Variants in TTC38 observed in about 807,000 individuals in gnomAD.
TTC38 encodes tetratricopeptide repeat protein 38.
TTC38 carries 64 observed loss-of-function variants against 64.2 expected under a neutral mutation model. That is an observed-to-expected ratio of 1.00 (90% CI 0.81 to 1.23). TTC38 has a LOEUF of 1.23. TTC38 is among the 50% of genes most tolerant of loss of function. The pLI is 0.00. For synonymous variants in TTC38, 254 were observed against 249.3 expected (o/e 1.02, Z -0.18); for missense variants, 573 against 615.5 (o/e 0.93, Z 0.73).
rs58531030 is a variant in TTC38, at chr22:46,269,088, G to GCC, written c.111+506_111+507dup. On this transcript the variant is annotated intron_variant, in intron 2 of 13. Coordinates refer to ENST00000381031, the MANE Select transcript of TTC38 (RefSeq NM_017931.4). ...CGTGGGAGGGTGGGGACATATCTCT[G>GCC]CCCCCCCCCCACAGCGTCCTAAAAG... The GCC allele has an allele frequency of 6.8e-3, 2,542 of 375,810 alleles. 32 individuals carry two copies. Among genetic ancestry groups the GCC allele is most frequent in the African/African-American group, 0.042 (1,871 of 44,610 alleles). 23.3% of individuals were successfully genotyped at this position (375,810 alleles called of 1,614,324 possible).
At position 46,274,149 on chromosome 22, in the gene TTC38, C is replaced by G. The variant is rs1164973836; in HGVS notation, c.365+80C>G. On this transcript the variant is annotated intron_variant, in intron 4 of 13. Coordinates refer to ENST00000381031, the MANE Select transcript of TTC38 (RefSeq NM_017931.4). The surrounding 1 kb of genome is among the most constrained non-coding windows in gnomAD (Gnocchi z 4.8). ...GGCAGGGTATCCCTTTCCTGATGCC[C>G]TTGGGACGGGGGCGGGGTGGGAGAA... The G allele has an allele frequency of 6.9e-5, 58 of 835,554 alleles. No individual in the cohort carries two copies. Among genetic ancestry groups the G allele is most frequent in the South Asian group, 9.5e-5 (6 of 63,110 alleles). 51.8% of individuals were successfully genotyped at this position (835,554 alleles called of 1,614,324 possible).
Position 46,284,064 on chromosome 22 carries a change from C to T in TTC38, c.795+32C>T, listed in dbSNP as rs868282079. ...TGACCATCTGTTTGCACTGTCTTAT[C>T]CTATAAAGATGTCTAGAGGGAGAAA... On this transcript the variant is annotated intron_variant, in intron 8 of 13. Coordinates refer to ENST00000381031, the MANE Select transcript of TTC38 (RefSeq NM_017931.4). 2.6e-6 allele frequency: 4 copies of T among 1,557,038 alleles called. No homozygotes were observed. In the South Asian group the frequency reaches 3.4e-5, roughly 13 times the overall value.
chr22:46,289,653 G>A (rs903385957), intron 12 of TTC38, 92 bp downstream of exon 12: 126 of 1,499,878 alleles, frequency 8.4e-5, no homozygotes, highest in Middle Eastern at 2.0e-4. Flanking sequence ...TGGTGTTGGT[G>A]CCAACAATGT....
At chr22:46,286,274 G>A (rs1177593087) in intron 9 of TTC38, among the ~76,000 whole-genome samples, 1 of 152,102 alleles carries the variant, frequency 6.6e-6, no homozygotes, top group Non-Finnish European at 1.5e-5. Flanking sequence ...CCACAGAAAT[G>A]CTTGTGATCT....
In TTC38 at chr22:46,272,349, C is replaced by T; in HGVS notation, c.126C>T (p.Thr42=). 1.2e-6 allele frequency: 2 copies of T among 1,613,690 alleles called. No homozygotes were observed. Among genetic ancestry groups the T allele is most frequent in the Non-Finnish European group, 1.7e-6 (2 of 1,179,844 alleles). Residue 42 remains threonine (T), a synonymous_variant, in exon 3 of 14, where the codon ACC becomes ACT. Transcript: ENST00000381031. The surrounding 1 kb of genome is among the most constrained non-coding windows in gnomAD (Gnocchi z 6.4). ...DATLTQYVKW[T]NDKSLGGIEG... ...TCCCATTTCAGTATGTAAAATGGAC[C>T]AATGACAAGAGTCTCGGTGGCATCG...
At position 46,292,106 on chromosome 22, in the gene TTC38, A is replaced by C; in HGVS notation, c.1317-685A>C. 1 of 364,052 alleles carries C rather than the reference A, an allele frequency of 2.7e-6. No individual in the cohort carries two copies. The highest frequency in any genetic ancestry group is 4.9e-4 in the Middle Eastern group (1 of 2,022). The allele number at this position is 364,052 out of a possible 1,614,324, so 22.6% of individuals were successfully genotyped here. ...CTCTCTTCCTGGCTTGTGGACAGCC[A>C]CTTTCTTGCTGTGTCCTCACATGAC... is the stretch of plus-strand genomic sequence containing the variant. On this transcript the variant is annotated intron_variant, in intron 13 of 13. Transcript: ENST00000381031. This position sits in a 1 kb window ranked among gnomAD's most constrained non-coding sequence, Gnocchi z 6.5.
intron 2 of TTC38, 73 bp downstream of exon 2, chr22:46,268,664 G>GT (rs869169922): frequency 2.7e-5 from 38 of 1,416,936 alleles, no homozygotes; most frequent in Middle Eastern, 3.5e-4. Context: ...GGGGAAAGCT[G>GT]TTTTTTTGTT....
Position 46,292,722 on chromosome 22 carries a change from C to G in TTC38, c.1317-69C>G. On this transcript the variant is annotated intron_variant, in intron 13 of 13. Transcript: ENST00000381031. The surrounding 1 kb of genome is among the most constrained non-coding windows in gnomAD (Gnocchi z 6.5). Reference sequence around the variant, plus strand: ...GCCTGCCTGTGTTCTGCCTTGGGACCAAGGGACCACCAGGCCCCACATCCC... The same window carrying G: ...GCCTGCCTGTGTTCTGCCTTGGGACGAAGGGACCACCAGGCCCCACATCCC... 7.1e-7 allele frequency: 1 copy of G among 1,406,114 alleles called. No homozygotes were observed. Among genetic ancestry groups the G allele is most frequent in the Non-Finnish European group, 1.0e-6 (1 of 994,784 alleles). The allele number at this position is 1,406,114 out of a possible 1,614,324, so 87.1% of individuals were successfully genotyped here. A position where few individuals can be genotyped will look rare whatever the true frequency, so the allele number is the denominator to read the frequency against.
chr22:46,278,768 C>T lies in TTC38; in HGVS notation c.615+107C>T, dbSNP rs973161419. ...TGTGTGACCCCGGCGAACCCCATCC[C>T]TGGTCTCACTTCCTCAGAGAGACTG... On this transcript the variant is annotated intron_variant, in intron 6 of 13. Transcript: ENST00000381031. 18 of 890,068 alleles carry T rather than the reference C, an allele frequency of 2.0e-5. No individual in the cohort carries two copies. The African/African-American group carries it at 2.6e-4, about 13-fold the overall frequency. The allele number at this position is 890,068 out of a possible 1,614,324, so 55.1% of individuals were successfully genotyped here. A position where few individuals can be genotyped will look rare whatever the true frequency, so the allele number is the denominator to read the frequency against.
intron 6 of TTC38, among the ~76,000 whole-genome samples, chr22:46,279,643 C>G (rs2077519198): frequency 3.3e-5 from 5 of 152,242 alleles, no homozygotes; most frequent in Admixed American, 2.6e-4. Context: ...GCCCAAGGGT[C>G]GCTGCGCTCT....
intron 6 of TTC38, among the ~76,000 whole-genome samples, chr22:46,279,432 G>C (rs1424065220): frequency 6.6e-6 from 1 of 152,230 alleles, no homozygotes; most frequent in East Asian, 1.9e-4. Flanking sequence ...AGGGGCCCAA[G>C]GCTCAGAGGC....
At chr22:46,287,013 G>C in intron 9 of TTC38, 60 bp from the exon 10 acceptor site, 1 of 1,394,336 alleles carries the variant, frequency 7.2e-7, no homozygotes. Context: ...CCCTGGCTGT[G>C]CCTGCAGCCC....
intron 7 of TTC38, 91 bp from the exon 8 acceptor site, chr22:46,283,878 AGATG>A: frequency 1.9e-6 from 1 of 536,604 alleles, no homozygotes; most frequent in Non-Finnish European, 3.1e-6. Flanking sequence ...AAAAAAAAAA[AGATG>A]ATGGTTTCTG....
At chr22:46,279,405 T>A (rs1012233311) in intron 6 of TTC38, among the ~76,000 whole-genome samples, 1 of 152,216 alleles carries the variant, frequency 6.6e-6, no homozygotes, top group African/African-American at 2.4e-5. Context: ...GATGTCCAAC[T>A]CCTTGTTGCC....
At chr22:46,269,094 C>CG (rs1209238451) in intron 2 of TTC38, 1 of 420,946 alleles carries the variant, frequency 2.4e-6, no homozygotes, top group Non-Finnish European at 4.8e-6. Context: ...CTCTGCCCCC[C>CG]CCCCACAGCG....
chr22:46,283,127 G>T (rs1229547414), intron 7 of TTC38, among the ~76,000 whole-genome samples: 1 of 151,962 alleles, frequency 6.6e-6, no homozygotes, highest in Non-Finnish European at 1.5e-5. Context: ...AGAGAGACAG[G>T]GTCTCTTCCC....
rs1226829580 is a variant in TTC38 at position 46,287,150 on chromosome 22, G to A, written c.912G>A (p.Met304Ile). The A allele has an allele frequency of 6.2e-7, 1 of 1,601,484 alleles. No individual in the cohort carries two copies. Residue 304 changes from methionine (M) to isoleucine (I), a missense_variant, in exon 10 of 14, where the codon ATG (methionine) becomes ATA (isoleucine). Coordinates refer to ENST00000381031, the MANE Select transcript of TTC38 (RefSeq NM_017931.4). ...DSCSMLYRLQ[M>I]EGVSVGQRWQ... Reference sequence around the variant, plus strand: ...GCTCCATGCTCTACCGCCTGCAGATGGAAGGTAGCCATCCCTGCAGCCCCA... The same window carrying A: ...GCTCCATGCTCTACCGCCTGCAGATAGAAGGTAGCCATCCCTGCAGCCCCA...
Position 46,292,233 on chromosome 22 carries a change from G to T in TTC38, c.1317-558G>T. ...AGGTCTCACTCGGTCATCCAGGTTG[G>T]AATGCAGTGGTGTGATCACAGTTCA... On this transcript the variant is annotated intron_variant, in intron 13 of 13. Coordinates refer to ENST00000381031, the MANE Select transcript of TTC38 (RefSeq NM_017931.4). The surrounding 1 kb of genome is among the most constrained non-coding windows in gnomAD (Gnocchi z 6.5). The T allele has an allele frequency of 4.5e-6, 2 of 447,246 alleles. No homozygotes were observed. The highest frequency in any genetic ancestry group is 4.4e-6 in the Non-Finnish European group (1 of 224,754). The allele number at this position is 447,246 out of a possible 1,614,324, so 27.7% of individuals were successfully genotyped here. A position where few individuals can be genotyped will look rare whatever the true frequency, so the allele number is the denominator to read the frequency against.
At chr22:46,286,655 C>G (rs1046631226) in intron 9 of TTC38, among the ~76,000 whole-genome samples, 1 of 147,102 alleles carries the variant, frequency 6.8e-6, no homozygotes, top group African/African-American at 2.5e-5. Context: ...GAGGGAGACC[C>G]TATCTCAAAA....
Sources: gnomAD v4.1 joint callset for allele counts (sites outside exome capture counted in the v4.1 genomes callset) on GRCh38, gnomAD v4.1.1 for gene constraint, Gnocchi (gnomAD v3.1) non-coding constraint, MANE v1.5 for transcripts, NCBI Gene and HGNC (gene_info 2026-07-23, HGNC 2026-07-21) for gene names.